The following LDHB variants were observed in gnomAD, a reference collection of about 807,000 sequenced individuals.
The protein encoded by LDHB is lactate dehydrogenase B.
A neutral mutation model predicts 33.4 loss-of-function variants in LDHB; 18 were observed. The observed-to-expected ratio is 0.54, with a 90% confidence interval of 0.37 to 0.80. The LOEUF (loss-of-function observed/expected upper bound fraction) is 0.80, where lower values mean the gene tolerates loss of function less well. Ranked by LOEUF, LDHB falls within the 30% of genes least tolerant of loss-of-function variation. The pLI, the probability that LDHB is intolerant of heterozygous loss-of-function variation, is 0.00. For synonymous variants in LDHB, 121 were observed against 140.6 expected (o/e 0.86, Z 0.98); for missense variants, 345 against 407.9 (o/e 0.85, Z 1.33).
At position 21,642,113 on chromosome 12, in the gene LDHB, G is replaced by A. The variant is rs758116914; in HGVS notation, c.434C>T (p.Thr145Met). Residue 145 changes from threonine to methionine, a missense_variant, in exon 5 of 8, where the codon ACG becomes ATG. Physicochemically the swap from Thr to Met is moderately conservative, Grantham distance 81. Transcript: ENST00000350669. ...IVVSNPVDIL[T>M]YVTWKLSGLP... is the part of the protein sequence containing the mutation. Reference sequence around the variant, plus strand: ...TCCACTTAGTTTCCAGGTAACATACGTAAGAATGTCCACTAAAAATTTTGG... The same window carrying A: ...TCCACTTAGTTTCCAGGTAACATACATAAGAATGTCCACTAAAAATTTTGG... 8 of 1,611,976 alleles carry A rather than the reference G, an allele frequency of 5.0e-6. No homozygotes were observed. The highest frequency in any genetic ancestry group is 1.3e-5 in the African/African-American group (1 of 74,894).
rs939433346 is a variant in LDHB at position 21,648,478 on chromosome 12, G to A, written c.130-1462C>T. Reference sequence around the variant, plus strand: ...AAGTGAACCAGCCCATGTTGTTCAAGGGTCAACCTCTTCTAAGAATAGTAG... The same window carrying A: ...AAGTGAACCAGCCCATGTTGTTCAAAGGTCAACCTCTTCTAAGAATAGTAG... On this transcript the variant is annotated intron_variant, in intron 2 of 7. Transcript: ENST00000350669. Among the ~76,000 whole-genome samples the A allele has an allele frequency of 2.0e-5, 3 of 152,114 alleles. No individual in the cohort carries two copies. In the East Asian group the frequency reaches 5.8e-4, roughly 29 times the overall value.
rs542411659 is a variant in LDHB, at chr12:21,635,637, C to G, written c.910G>C (p.Val304Leu). ...CILNARGLTS[V>L]INQKLKDDEV... ...TCATCCTTTAGCTTCTGGTTGATAA[C>G]GCTGGTTAATCCCCGGGCATTGAGG... Residue 304 changes from valine (V) to leucine (L), a missense_variant, in exon 8 of 8, where the codon GTT becomes CTT. Coordinates refer to ENST00000350669, the MANE Select transcript of LDHB (RefSeq NM_002300.8). The G allele has an allele frequency of 6.2e-7, 1 of 1,613,476 alleles. No homozygotes were observed. The highest frequency in any genetic ancestry group is 1.7e-5 in the Admixed American group (1 of 59,980).
rs1191667709 is a variant in LDHB at position 21,637,514 on chromosome 12, C to T, written c.714-320G>A. The T allele has an allele frequency of 1.7e-5, 4 of 241,326 alleles. No homozygotes were observed. The East Asian group carries it at 3.1e-4, about 19-fold the overall frequency. The allele number at this position is 241,326 out of a possible 1,614,324, so 14.9% of individuals were successfully genotyped here. On this transcript the variant is annotated intron_variant, in intron 6 of 7. Transcript: ENST00000350669. ...AAATCTGTAAACATATTTCCAAACA[C>T]ATAAAATCAGGAAACAATAAAAGTG...
intron 2 of LDHB, among the ~76,000 whole-genome samples, chr12:21,647,464 G>C (rs1202463239): frequency 1.3e-5 from 2 of 151,964 alleles, no homozygotes; most frequent in Non-Finnish European, 2.9e-5. Flanking sequence ...TCTTCAGGGT[G>C]GCTCTGATCC....
At chr12:21,644,446 C>CAAAAAAAAA (rs374761135) in intron 3 of LDHB, among the ~76,000 whole-genome samples, 2 of 108,844 alleles carry the variant, frequency 1.8e-5, no homozygotes, top group African/African-American at 3.4e-5. Flanking sequence ...AAAAAAAAAA[C>CAAAAAAAAA]AAAAACAAAA....
chr12:21,637,088 C>A lies in LDHB; in HGVS notation c.820G>T (p.Val274Leu). Reference sequence around the variant, plus strand: ...TGTCTTACCTTTACCATTGTTGACACGGGATGAATCCTGGATAGATTTTTC... The same window carrying A: ...TGTCTTACCTTTACCATTGTTGACAAGGGATGAATCCTGGATAGATTTTTC... The part of the protein sequence containing the change: ...MLKNLSRIHP[V>L]STMVKGMYGI... The change falls in exon 7 of 8, where the codon GTG becomes TTG. Residue 274 changes from valine to leucine, a missense_variant. Val to Leu is a conservative substitution (Grantham distance 32). Transcript: ENST00000350669. The A allele has an allele frequency of 1.2e-6, 2 of 1,606,226 alleles. No individual in the cohort carries two copies. Among genetic ancestry groups the A allele is most frequent in the East Asian group, 2.2e-5 (1 of 44,740 alleles).
At chr12:21,644,424 C>CAAAAAAAAAAAAAACAAAAAAAAAAA (rs1938459058) in intron 3 of LDHB, among the ~76,000 whole-genome samples, 1 of 15,276 alleles carries the variant, frequency 6.5e-5, no homozygotes, top group Non-Finnish European at 2.0e-4. Context: ...AGGTAGACAT[C>CAAAAAAAAAAAAAACAAAAAAAAAAA]AAAAAAAAAA....
At chr12:21,648,960 G>A (rs958641094) in intron 2 of LDHB, among the ~76,000 whole-genome samples, 15 of 152,146 alleles carry the variant, frequency 9.9e-5, no homozygotes, top group Non-Finnish European at 5.9e-5. Flanking sequence ...AAATACTGGC[G>A]TTAATTTTTA....
At chr12:21,638,594 A>G (rs1242016668) in intron 5 of LDHB, 124 bp from the exon 6 acceptor site, 47 of 700,030 alleles carry the variant, frequency 6.7e-5, no homozygotes, top group Non-Finnish European at 1.2e-4. Context: ...AACTGCTCCA[A>G]TAAGTGACTC....
chr12:21,640,204 T>C (rs1055386824), intron 5 of LDHB, among the ~76,000 whole-genome samples: 2 of 151,340 alleles, frequency 1.3e-5, no homozygotes, highest in Non-Finnish European at 3.0e-5. Flanking sequence ...AATAAACAGA[T>C]TTAGATCTAT....
intron 2 of LDHB, among the ~76,000 whole-genome samples, chr12:21,647,711 C>T (rs112818377): frequency 5.3e-5 from 8 of 152,088 alleles, no homozygotes; most frequent in East Asian, 3.9e-4. Flanking sequence ...GACGGAGTCT[C>T]GCTCCGTTGC....
chr12:21,638,031 T>C (rs912114290), intron 6 of LDHB, among the ~76,000 whole-genome samples: 22 of 152,042 alleles, frequency 1.4e-4, no homozygotes, highest in Non-Finnish European at 4.4e-5. Context: ...ATGAAACCAA[T>C]AGTTTCTAAG....
At position 21,638,408 on chromosome 12, in the gene LDHB, C is replaced by T; in HGVS notation, c.658G>A (p.Gly220Arg). The T allele has an allele frequency of 6.2e-7, 1 of 1,612,070 alleles. No individual in the cohort carries two copies. The highest frequency in any genetic ancestry group is 8.5e-7 in the Non-Finnish European group (1 of 1,178,678). ...VSLQELNPEM[G>R]TDNDSENWKE... ...CAATTTTCACTATCATTGTCAGTTC[C>T]CATTTCTGGATTCAATTCCTGGAGA... Residue 220 changes from glycine to arginine, a missense_variant, in exon 6 of 8, where the codon GGA (glycine) becomes AGA (arginine). Gly to Arg is a moderately radical substitution (Grantham distance 125). Coordinates refer to ENST00000350669, the MANE Select transcript of LDHB (RefSeq NM_002300.8).
chr12:21,657,769 G>A lies in LDHB; in HGVS notation c.-25C>T, dbSNP rs1938903173. 1 of 152,356 alleles carries A rather than the reference G, an allele frequency of 6.6e-6. No individual in the cohort carries two copies. The highest frequency in any genetic ancestry group is 6.5e-5 in the Admixed American group (1 of 15,292). The allele number at this position is 152,356 out of a possible 1,614,324, so 9.4% of individuals were successfully genotyped here. A position where few individuals can be genotyped will look rare whatever the true frequency, so the allele number is the denominator to read the frequency against. ...AACCTACCAGGAGAGAGAAGGCTCT[G>A]GAGACCTCTGTAACAGTCGTGCGGA... is the stretch of plus-strand genomic sequence containing the variant. On this transcript the variant is annotated 5_prime_UTR_variant, in exon 1 of 8. Transcript: ENST00000350669.
At position 21,645,336 on chromosome 12, in the gene LDHB, T is replaced by C. The variant is rs537739529; in HGVS notation, c.248-1228A>G. On this transcript the variant is annotated intron_variant, in intron 3 of 7. Transcript: ENST00000350669. ...ATGGCCTCGTGGGAAGGGAAAGACC[T>C]GACTGTGGGAAGGGAAAGACCTGAC... Among the ~76,000 whole-genome samples the C allele has an allele frequency of 7.9e-5, 12 of 152,138 alleles. No individual in the cohort carries two copies. The South Asian group carries it at 2.5e-3, about 32-fold the overall frequency.
intron 3 of LDHB, among the ~76,000 whole-genome samples, chr12:21,644,669 C>G (rs535937642): frequency 6.6e-6 from 1 of 151,954 alleles, no homozygotes; most frequent in Admixed American, 6.6e-5. Flanking sequence ...ATGGATATTG[C>G]GATTTGATGT....
chr12:21,654,752 A>C, intron 1 of LDHB, 75 bp from the exon 2 acceptor site: 12 of 1,294,960 alleles, frequency 9.3e-6, no homozygotes, highest in Non-Finnish European at 1.1e-6. Flanking sequence ...TTAAAATGTT[A>C]CTGTTGCAAT....
At chr12:21,643,593 C>CA in intron 4 of LDHB, 1 of 251,632 alleles carries the variant, frequency 4.0e-6, no homozygotes, top group Non-Finnish European at 7.7e-6. Flanking sequence ...TCAAATATGT[C>CA]AAAATGTTTC....
At chr12:21,640,577 T>G (rs1392330710) in intron 5 of LDHB, among the ~76,000 whole-genome samples, 1 of 152,004 alleles carries the variant, frequency 6.6e-6, no homozygotes, top group East Asian at 1.9e-4. Context: ...TTTATAAGCT[T>G]TTGTTACCTA....
Sources: allele counts gnomAD v4.1 joint callset (sites outside exome capture counted in the v4.1 genomes callset), GRCh38; gene constraint gnomAD v4.1.1; transcripts MANE v1.5; gene names NCBI Gene and HGNC (gene_info 2026-07-23, HGNC 2026-07-21).